The following GSE1 variants were observed in gnomAD, a reference collection of about 807,000 sequenced individuals.
The protein encoded by GSE1 is genetic suppressor element 1.
GSE1 carries 32 observed loss-of-function variants against 112.6 expected under a neutral mutation model. The ratio of observed to expected loss-of-function variants is 0.28; its 90% CI spans 0.21 to 0.38. GSE1 has a LOEUF of 0.38. Among genes scored for constraint, GSE1 ranks in the 10% least tolerant of loss-of-function variants. The pLI is 1.00. For missense variants in GSE1, 2,348 were observed against 1,699.2 expected (o/e 1.38, Z -6.71); for synonymous variants, 1,115 against 735.6 (o/e 1.52, Z -8.35).
chr16:85,207,158 G>A (rs990572578), intron 1 of GSE1, among the ~76,000 whole-genome samples: 1 of 152,172 alleles, frequency 6.6e-6, no homozygotes, highest in Non-Finnish European at 1.5e-5. Flanking sequence ...TCCACCTTCA[G>A]GGAGGCAGAA....
intron 6 of GSE1, 28 bp downstream of exon 6, chr16:85,655,945 C>T (rs778897940): frequency 3.2e-6 from 5 of 1,564,712 alleles, no homozygotes; most frequent in Non-Finnish European, 4.3e-6. Context: ...CGAGGAGCCC[C>T]TCTGCCCTCC....
At chr16:85,316,850 C>T (rs1160800909) in intron 1 of GSE1, among the ~76,000 whole-genome samples, 6 of 152,188 alleles carry the variant, frequency 3.9e-5, no homozygotes, top group East Asian at 3.9e-4. Flanking sequence ...GAACCCCGCC[C>T]GGCGTGGCTG....
intron 4 of GSE1, 39 bp from the exon 5 acceptor site, chr16:85,654,755 C>T (rs1286994775): frequency 7.3e-7 from 1 of 1,378,264 alleles, no homozygotes; most frequent in South Asian, 1.2e-5. Flanking sequence ...CAGGTGTGCA[C>T]TCACCTGTCC....
intron 2 of GSE1, among the ~76,000 whole-genome samples, chr16:85,459,647 A>G (rs923532517): frequency 2.6e-5 from 4 of 152,166 alleles, no homozygotes; most frequent in African/African-American, 9.7e-5. Context: ...AGTTCATGCC[A>G]AGGGCTGGAT....
intron 2 of GSE1, among the ~76,000 whole-genome samples, chr16:85,541,533 C>A (rs975367991): frequency 6.6e-5 from 10 of 152,238 alleles, no homozygotes; most frequent in African/African-American, 2.2e-4. Context: ...CACACTGTCC[C>A]CCACTTCTTG....
intron 2 of GSE1, among the ~76,000 whole-genome samples, chr16:85,437,462 A>G (rs1275247139): frequency 2.6e-5 from 4 of 152,072 alleles, no homozygotes; most frequent in Non-Finnish European, 4.4e-5. Flanking sequence ...GGGAGGAGAA[A>G]TAAGGAAATA....
intron 2 of GSE1, among the ~76,000 whole-genome samples, chr16:85,429,435 G>T (rs1456193217): frequency 6.6e-6 from 1 of 152,188 alleles, no homozygotes; most frequent in African/African-American, 2.4e-5. Flanking sequence ...ACCAAGGACG[G>T]GGGCTCTGGT....
At chr16:85,489,628 G>A (rs575097677) in intron 2 of GSE1, among the ~76,000 whole-genome samples, 24 of 146,200 alleles carry the variant, frequency 1.6e-4, no homozygotes, top group African/African-American at 5.7e-4. Flanking sequence ...CGCGGCCCGC[G>A]CCTCCTTCAC....
At chr16:85,170,767 G>C (rs1442701686) in exon 1 of GSE1, 1 of 985,370 alleles carries the variant, frequency 1.0e-6, no homozygotes, top group East Asian at 1.1e-4. Flanking sequence ...GCCCATCAGC[G>C]AGGGCGGCAG....
rs541403359 is a variant in GSE1, at chr16:85,304,523, A to T, written c.2284-52940A>T. ...TCTCCCATGCCAGGAGAAGCACCCAACGTGTAGCTTCAGAAAGGAAAGGGA... is the reference window on the plus strand; with the variant it reads ...TCTCCCATGCCAGGAGAAGCACCCATCGTGTAGCTTCAGAAAGGAAAGGGA... On this transcript the variant is annotated intron_variant, in intron 1 of 2. Transcript: ENST00000637419. Among the ~76,000 whole-genome samples, 7 of 144,624 alleles carry T rather than the reference A, an allele frequency of 4.8e-5. No individual in the cohort carries two copies. The East Asian group carries it at 1.5e-3, about 30-fold the overall frequency. 94.9% of individuals were successfully genotyped at this position (144,624 alleles called of 152,430 possible). A position where few individuals can be genotyped will look rare whatever the true frequency, so the allele number is the denominator to read the frequency against.
chr16:85,177,466 A>C (rs1178752201), intron 1 of GSE1, among the ~76,000 whole-genome samples: 1 of 152,164 alleles, frequency 6.6e-6, no homozygotes, highest in Non-Finnish European at 1.5e-5. Context: ...ACATAGCTCC[A>C]GGTGGGACAC....
chr16:85,613,470 C>T (rs2048136429), intron 1 of GSE1, 72 bp downstream of exon 1: 1 of 1,329,362 alleles, frequency 7.5e-7, no homozygotes, highest in Admixed American at 2.7e-5. Flanking sequence ...CCTGCAAGTT[C>T]GCGGGTTTCG....
At chr16:85,319,248 G>A (rs924463115) in intron 1 of GSE1, among the ~76,000 whole-genome samples, 19 of 152,236 alleles carry the variant, frequency 1.2e-4, no homozygotes, top group African/African-American at 4.6e-4. Flanking sequence ...AGAAAATTCT[G>A]GAAAAGTAGG....
intron 1 of GSE1, among the ~76,000 whole-genome samples, chr16:85,557,022 T>TGGAGGGGAGG (rs573029301): frequency 6.6e-6 from 1 of 151,838 alleles, no homozygotes; most frequent in Non-Finnish European, 1.5e-5. Flanking sequence ...GCTTTCAGCC[T>TGGAGGGGAGG]GGAGGGGAGG....
At chr16:85,490,998 C>T (rs1439321901) in intron 2 of GSE1, among the ~76,000 whole-genome samples, 2 of 152,124 alleles carry the variant, frequency 1.3e-5, no homozygotes, top group Non-Finnish European at 2.9e-5. Flanking sequence ...GGGCTGGACT[C>T]CACACCCCGA....
At chr16:85,607,152 C>T (rs1285311571), upstream of GSE1, among the ~76,000 whole-genome samples, 2 of 151,910 alleles carry the variant, frequency 1.3e-5, no homozygotes, top group African/African-American at 2.4e-5. Context: ...CTGGAAGCTG[C>T]CCTCTGGGAC....
intron 2 of GSE1, among the ~76,000 whole-genome samples, chr16:85,507,966 C>A (rs1368199214): frequency 6.6e-6 from 1 of 152,128 alleles, no homozygotes; most frequent in Non-Finnish European, 1.5e-5. Context: ...AAAGAGTGTG[C>A]CCAGTCCCCC....
intron 2 of GSE1, among the ~76,000 whole-genome samples, chr16:85,533,658 G>A (rs2044212721): frequency 6.6e-6 from 1 of 152,108 alleles, no homozygotes; most frequent in Admixed American, 6.5e-5. Context: ...CAGCCCAGGA[G>A]TTTGAGACCA....
chr16:85,648,586 C>T lies in GSE1; in HGVS notation c.261C>T (p.Ser87=), dbSNP rs756423088. The change falls in exon 3 of 16, where the codon TCC becomes TCT. Residue 87 remains serine, a synonymous_variant. Coordinates refer to ENST00000253458, the MANE Select transcript of GSE1 (RefSeq NM_014615.5). ...TGAGCAGCGAGTCGTCCCCCGTGTC[C>T]TCTCCGGCCACCAACCACAGCTCCC... is the stretch of plus-strand genomic sequence containing the variant. ...SSLSSESSPV[S]SPATNHSSPA... The T allele has an allele frequency of 1.5e-5, 24 of 1,602,500 alleles. No homozygotes were observed. In the African/African-American group the frequency reaches 2.0e-4, roughly 13 times the overall value.
Sources: allele counts gnomAD v4.1 joint callset (sites outside exome capture counted in the v4.1 genomes callset), GRCh38; gene constraint gnomAD v4.1.1; transcripts MANE v1.5; gene names NCBI Gene and HGNC (gene_info 2026-07-23, HGNC 2026-07-21).